RUFY1: variants seen among roughly 807,000 people sequenced by gnomAD.
RUFY1 encodes the protein RUN and FYVE domain containing 1.
RUFY1 carries 54 observed loss-of-function variants against 94.6 expected under a neutral mutation model. That is an observed-to-expected ratio of 0.57 (90% CI 0.46 to 0.72). RUFY1 has a LOEUF of 0.72. Among genes scored for constraint, RUFY1 ranks in the 30% least tolerant of loss-of-function variants. RUFY1 has a pLI of 0.00. For missense variants in RUFY1, 883 were observed against 883.9 expected (o/e 1.00, Z 0.01); for synonymous variants, 396 against 347.3 (o/e 1.14, Z -1.56).
chr5:179,551,451 C>CAACA (rs1269737867), intron 1 of RUFY1, among the ~76,000 whole-genome samples: 4 of 152,242 alleles, frequency 2.6e-5, no homozygotes, highest in Non-Finnish European at 5.9e-5. Flanking sequence ...CTATCCAATA[C>CAACA]AACAGCACGC....
intron 1 of RUFY1, chr5:179,559,749 C>T (rs1762293526): frequency 2.6e-6 from 3 of 1,144,784 alleles, no homozygotes; most frequent in Non-Finnish European, 3.2e-6. Flanking sequence ...CTAAAGCCGT[C>T]GCCGTAGCAA....
chr5:179,607,780 T>A, intron 17 of RUFY1, 121 bp downstream of exon 17: 1 of 824,930 alleles, frequency 1.2e-6, no homozygotes, highest in Non-Finnish European at 2.0e-6. Flanking sequence ...GTGCTGACTG[T>A]GGCAGATGGG....
At chr5:179,565,164 C>CTTTT (rs138223106) in intron 3 of RUFY1, among the ~76,000 whole-genome samples, 12 of 71,940 alleles carry the variant, frequency 1.7e-4, no homozygotes, top group Admixed American at 2.0e-4. Context: ...TCTAGGTTTT[C>CTTTT]TTTTTTTTTT....
At chr5:179,609,256 C>T (rs58788190) in intron 17 of RUFY1, 120 bp from the exon 18 acceptor site, 385,752 of 950,062 alleles carry the variant, frequency 0.41, 86,856 homozygotes, top group Non-Finnish European at 0.45. Context: ...CCCTCACCAC[C>T]CCACAGAAAC....
intron 4 of RUFY1, 33 bp downstream of exon 4, chr5:179,567,595 C>A: frequency 6.7e-7 from 1 of 1,493,906 alleles, no homozygotes; most frequent in Non-Finnish European, 9.3e-7. Context: ...TTATCTTTTG[C>A]TTGGTAAATA....
intron 2 of RUFY1, among the ~76,000 whole-genome samples, chr5:179,560,534 A>C (rs890675720): frequency 6.6e-6 from 1 of 151,118 alleles, no homozygotes; most frequent in Non-Finnish European, 1.5e-5. Flanking sequence ...CCTGGCTAAC[A>C]CGGTGAAACC....
chr5:179,553,772 A>G (rs1335988527), intron 1 of RUFY1, among the ~76,000 whole-genome samples: 4 of 152,234 alleles, frequency 2.6e-5, no homozygotes, highest in Non-Finnish European at 4.4e-5. Flanking sequence ...CCTGGGCAAC[A>G]GAACGAGACT....
At position 179,569,345 on chromosome 5, in the gene RUFY1, A is replaced by T. The variant is rs750912766; in HGVS notation, c.748A>T (p.Met250Leu). 1.4e-5 allele frequency: 23 copies of T among 1,613,474 alleles called. No homozygotes were observed. Among genetic ancestry groups the T allele is most frequent in the Non-Finnish European group, 1.9e-5 (23 of 1,179,970 alleles). The change falls in exon 5 of 18, where the codon ATG (methionine) becomes TTG (leucine). Residue 250 changes from methionine (M) to leucine (L), a missense_variant. Physicochemically the swap from Met to Leu is conservative, Grantham distance 15. Coordinates refer to ENST00000319449, the MANE Select transcript of RUFY1 (RefSeq NM_025158.5). ...GGCTTTAATGATGGAGGAAGAAGGG[A>T]TGGTGATTGTTGGTCTGCTGGTGGG... ...PEALMMEEEG[M>L]VIVGLLVGLN...
At chr5:179,551,497 T>C (rs1412080573) in intron 1 of RUFY1, among the ~76,000 whole-genome samples, 1 of 152,176 alleles carries the variant, frequency 6.6e-6, no homozygotes, top group Non-Finnish European at 1.5e-5. Flanking sequence ...TTTTTATTTA[T>C]TTTTATTTTT....
At chr5:179,575,954 G>A (rs1289873817) in intron 5 of RUFY1, among the ~76,000 whole-genome samples, 1 of 151,972 alleles carries the variant, frequency 6.6e-6, no homozygotes, top group East Asian at 1.9e-4. Context: ...GCTAATGTTT[G>A]TATTTTTGTG....
intron 2 of RUFY1, among the ~76,000 whole-genome samples, chr5:179,561,231 AT>A (rs1554114623): frequency 7.3e-6 from 1 of 136,188 alleles, no homozygotes; most frequent in African/African-American, 2.5e-5. Context: ...AAATAAATAA[AT>A]TAATTAATTA....
At chr5:179,561,261 G>T (rs1296532622) in intron 2 of RUFY1, among the ~76,000 whole-genome samples, 2 of 151,896 alleles carry the variant, frequency 1.3e-5, no homozygotes, top group African/African-American at 2.4e-5. Context: ...AGATGCAAAG[G>T]TTCTGAGTGG....
chr5:179,561,714 G>A (rs763535255), intron 2 of RUFY1, among the ~76,000 whole-genome samples: 3 of 100,608 alleles, frequency 3.0e-5, no homozygotes, highest in Admixed American at 3.1e-4. Flanking sequence ...GAAGAGTCTC[G>A]CTCTGTCCCC....
rs180735851 is a variant in RUFY1 at position 179,604,853 on chromosome 5, G to C, written c.1857-1023G>C. On this transcript the variant is annotated intron_variant, in intron 15 of 17. Transcript: ENST00000319449. ...AAGAAAATAAGCTGGGTGTGGTGTC[G>C]GGCGCCTGTCATCCCAGCTACTTGG... Among the ~76,000 whole-genome samples the C allele has an allele frequency of 7.8e-4, 119 of 151,654 alleles. 1 individual carries two copies. In the East Asian group the frequency reaches 0.022, roughly 29 times the overall value.
At chr5:179,585,907 C>T (rs1165055866) in intron 8 of RUFY1, 42 bp downstream of exon 8, 5 of 1,475,712 alleles carry the variant, frequency 3.4e-6, no homozygotes, top group Non-Finnish European at 3.8e-6. Context: ...AACAGAATGA[C>T]CCAAGGTTAA....
rs141644670 is a variant in RUFY1 at position 179,589,650 on chromosome 5, G to A, written c.1128+3G>A. ...AAAGAAGTGAAAAGAGTGTAGAGGTGAGAAATTGACCTACATTTGGGCAGC... is the reference window on the plus strand; with the variant it reads ...AAAGAAGTGAAAAGAGTGTAGAGGTAAGAAATTGACCTACATTTGGGCAGC... On this transcript the variant is annotated splice_donor_region_variant and intron_variant, in intron 9 of 17. Coordinates refer to ENST00000319449, the MANE Select transcript of RUFY1 (RefSeq NM_025158.5). 2.6e-3 allele frequency: 4,131 copies of A among 1,599,524 alleles called. 25 individuals are homozygous for A. The highest frequency in any genetic ancestry group is 0.014 in the Middle Eastern group (86 of 6,030).
intron 5 of RUFY1, among the ~76,000 whole-genome samples, chr5:179,571,079 A>G (rs927853332): frequency 2.0e-5 from 3 of 152,214 alleles, no homozygotes; most frequent in Admixed American, 6.5e-5. Context: ...AAATTTAACA[A>G]TATGTTCCAC....
rs376310238 is a variant in RUFY1, at chr5:179,559,992, A to G, written c.311-33A>G. The G allele has an allele frequency of 7.5e-6, 12 of 1,601,994 alleles. No individual in the cohort carries two copies. In the African/African-American group the frequency reaches 1.5e-4, roughly 20 times the overall value. On this transcript the variant is annotated intron_variant, in intron 1 of 17. Coordinates refer to ENST00000319449, the MANE Select transcript of RUFY1 (RefSeq NM_025158.5). ...AGTCTGACCTCCCCACGCTCAGTCC[A>G]CTAACGAAGCTATCCCTGCTCCTGC...
chr5:179,561,701 T>TC (rs1762473646), intron 2 of RUFY1, among the ~76,000 whole-genome samples: 1 of 81,274 alleles, frequency 1.2e-5, no homozygotes, highest in Non-Finnish European at 2.8e-5. Flanking sequence ...TTTTTTTTTT[T>TC]TTGAAGAGTC....
Sources: gnomAD v4.1 joint callset for allele counts (sites outside exome capture counted in the v4.1 genomes callset) on GRCh38, gnomAD v4.1.1 for gene constraint, MANE v1.5 for transcripts, NCBI Gene and HGNC (gene_info 2026-07-23, HGNC 2026-07-21) for gene names.